The following PTPRM variants were observed in gnomAD, a reference collection of about 807,000 sequenced individuals.
PTPRM encodes the protein protein tyrosine phosphatase receptor type M, also known as receptor-type tyrosine-protein phosphatase mu.
PTPRM carries 47 observed loss-of-function variants against 186.7 expected under a neutral mutation model. The observed-to-expected ratio is 0.25, with a 90% confidence interval of 0.20 to 0.32. PTPRM has a LOEUF of 0.32. Ranked by LOEUF, PTPRM falls within the 10% of genes least tolerant of loss-of-function variation. PTPRM has a pLI of 1.00. For synonymous variants in PTPRM, 668 were observed against 674.9 expected, an observed-to-expected ratio of 0.99 and a Z score of 0.16; for missense variants, 1,494 against 1,865.0, an observed-to-expected ratio of 0.80 and a Z score of 3.66.
At chr18:7,855,256 G>A (rs2145979221) in intron 2 of PTPRM, among the ~76,000 whole-genome samples, 1 of 152,302 alleles carries the variant, frequency 6.6e-6, no homozygotes, top group Middle Eastern at 3.4e-3. Context: ...AAGTATTCCA[G>A]ACATTATGTG....
At chr18:7,901,181 A>G (rs1272933388) in intron 3 of PTPRM, among the ~76,000 whole-genome samples, 2 of 152,130 alleles carry the variant, frequency 1.3e-5, no homozygotes, top group Non-Finnish European at 1.5e-5. Context: ...GTAGTTCCTT[A>G]TTTGACAAAA....
chr18:8,158,420 T>C (rs989762778), intron 14 of PTPRM, among the ~76,000 whole-genome samples: 6 of 152,222 alleles, frequency 3.9e-5, no homozygotes, highest in Admixed American at 3.9e-4. Context: ...CTTGGGATGA[T>C]CGTTTAAACT....
intron 14 of PTPRM, among the ~76,000 whole-genome samples, chr18:8,232,286 G>A (rs2094296384): frequency 6.6e-6 from 1 of 152,194 alleles, no homozygotes; most frequent in African/African-American, 2.4e-5. Flanking sequence ...TGGCTTCATA[G>A]CTTATTCCTT....
chr18:7,697,772 A>G (rs2039875905), intron 1 of PTPRM, among the ~76,000 whole-genome samples: 1 of 152,210 alleles, frequency 6.6e-6, no homozygotes, highest in Non-Finnish European at 1.5e-5. Context: ...AGGCACAGAT[A>G]GAGGATGTCA....
Position 8,406,840 on chromosome 18 carries a change from A to G in PTPRM, c.*678A>G, listed in dbSNP as rs1432595427. ...ATTTCATCAAATTATTTATTCATTAAAAGAAATTTTTGTGAAGCACAGTGA... is the reference window on the plus strand; with the variant it reads ...ATTTCATCAAATTATTTATTCATTAGAAGAAATTTTTGTGAAGCACAGTGA... On this transcript the variant is annotated 3_prime_UTR_variant, in exon 33 of 33. Coordinates refer to ENST00000580170, the MANE Select transcript of PTPRM (RefSeq NM_001105244.2). 2 of 152,238 alleles carry G rather than the reference A, an allele frequency of 1.3e-5. No individual in the cohort carries two copies. The highest frequency in any genetic ancestry group is 2.9e-5 in the Non-Finnish European group (2 of 68,056). The allele number at this position is 152,238 out of a possible 1,614,324, so 9.4% of individuals were successfully genotyped here.
At chr18:8,105,143 T>C (rs2091459509) in intron 11 of PTPRM, among the ~76,000 whole-genome samples, 1 of 152,210 alleles carries the variant, frequency 6.6e-6, no homozygotes, top group Admixed American at 6.5e-5. Context: ...GATCAAAATG[T>C]CATTGAGTGG....
intron 2 of PTPRM, among the ~76,000 whole-genome samples, chr18:7,838,086 C>T (rs141281054): frequency 0.01 from 1,532 of 152,136 alleles, 18 homozygotes; most frequent in African/African-American, 0.027. Flanking sequence ...AAGAACTGCC[C>T]GAGACTGGGT....
At chr18:7,582,469 C>A (rs1048583026) in intron 1 of PTPRM, among the ~76,000 whole-genome samples, 5 of 152,156 alleles carry the variant, frequency 3.3e-5, no homozygotes, top group Non-Finnish European at 7.3e-5. Context: ...CTTCTCCTGG[C>A]CAAAGCCAGT....
intron 13 of PTPRM, among the ~76,000 whole-genome samples, chr18:8,116,207 T>C (rs1429746706): frequency 2.0e-5 from 3 of 152,214 alleles, no homozygotes; most frequent in Non-Finnish European, 4.4e-5. Flanking sequence ...AACAGGAATT[T>C]CAAAATACTG....
Position 7,824,844 on chromosome 18 carries a change from C to T in PTPRM, c.196+50573C>T, listed in dbSNP as rs78783143. 2.7e-3 allele frequency among the ~76,000 whole-genome samples: 416 copies of T among 152,280 alleles called. 2 individuals carry two copies. The highest frequency in any genetic ancestry group is 9.5e-3 in the African/African-American group (397 of 41,578). On this transcript the variant is annotated intron_variant, in intron 2 of 32. Transcript: ENST00000580170. ...CTGGATGTCAGTGCATGAACTCTGGCCCCAGGGAGGCTCTCTGGGCAGGCA... is the reference window on the plus strand; with the variant it reads ...CTGGATGTCAGTGCATGAACTCTGGTCCCAGGGAGGCTCTCTGGGCAGGCA...
At chr18:8,253,144 G>A (rs1288883518) in intron 18 of PTPRM, 83 bp from the exon 19 acceptor site, 1 of 1,173,854 alleles carries the variant, frequency 8.5e-7, no homozygotes, top group Non-Finnish European at 1.1e-6. Flanking sequence ...GGGGATGCCA[G>A]GAGCCAGCTT....
intron 14 of PTPRM, among the ~76,000 whole-genome samples, chr18:8,166,817 G>A (rs1600955429): frequency 1.3e-5 from 2 of 152,168 alleles, no homozygotes; most frequent in East Asian, 3.9e-4. Context: ...GAACCAAGGG[G>A]TAAAGCCAGG....
At chr18:8,139,293 A>ATC (rs1453035773) in intron 13 of PTPRM, among the ~76,000 whole-genome samples, 1 of 152,120 alleles carries the variant, frequency 6.6e-6, no homozygotes, top group African/African-American at 2.4e-5. Context: ...CATCCAGTTC[A>ATC]TCGGCAAAAC....
At chr18:8,216,819 T>G (rs1459343788) in intron 14 of PTPRM, among the ~76,000 whole-genome samples, 1 of 152,256 alleles carries the variant, frequency 6.6e-6, no homozygotes, top group African/African-American at 2.4e-5. Context: ...ACCAATATGC[T>G]GTTAATATTC....
intron 20 of PTPRM, among the ~76,000 whole-genome samples, chr18:8,298,336 C>G (rs1240612748): frequency 6.6e-6 from 1 of 152,166 alleles, no homozygotes. Flanking sequence ...TGGGGAATCC[C>G]CTTCCATACC....
intron 11 of PTPRM, among the ~76,000 whole-genome samples, chr18:8,111,339 G>T (rs943382810): frequency 1.3e-5 from 2 of 152,200 alleles, no homozygotes; most frequent in Non-Finnish European, 2.9e-5. Context: ...TTGGCCAGGC[G>T]CAGTGGCTCA....
chr18:7,620,016 T>C (rs1280493301), intron 1 of PTPRM, among the ~76,000 whole-genome samples: 1 of 152,180 alleles, frequency 6.6e-6, no homozygotes, highest in Non-Finnish European at 1.5e-5. Flanking sequence ...TTCCTTGATA[T>C]TTTGTGATTG....
intron 14 of PTPRM, among the ~76,000 whole-genome samples, chr18:8,179,163 G>T (rs944078694): frequency 2.0e-5 from 3 of 152,218 alleles, no homozygotes; most frequent in African/African-American, 4.8e-5. Context: ...ATTGTGTCCT[G>T]CTGCGAAAGA....
intron 23 of PTPRM, among the ~76,000 whole-genome samples, chr18:8,344,098 T>C (rs2095490517): frequency 6.6e-6 from 1 of 152,224 alleles, no homozygotes; most frequent in South Asian, 2.1e-4. Context: ...AGTAGTAGTA[T>C]GCTATAGGAT....
Sources: allele counts gnomAD v4.1 joint callset (sites outside exome capture counted in the v4.1 genomes callset), GRCh38; gene constraint gnomAD v4.1.1; transcripts MANE v1.5; gene names NCBI Gene and HGNC (gene_info 2026-07-23, HGNC 2026-07-21).